Variants in CA5A observed in about 807,000 individuals in gnomAD.
CA5A encodes the protein carbonic anhydrase 5A.
In CA5A, 28 loss-of-function variants were observed where a neutral mutation model predicts 37.1. The observed-to-expected ratio is 0.75, with a 90% CI of 0.56 to 1.03. CA5A has a LOEUF of 1.03. Among genes scored for constraint, CA5A ranks in the 50% least tolerant of loss-of-function variants. CA5A has a pLI of 0.00. For synonymous variants in CA5A, 171 were observed against 158.4 expected (o/e 1.08, Z -0.60); for missense variants, 444 against 399.9 (o/e 1.11, Z -0.94).
At chr16:87,889,400 C>T (rs1280235415) in intron 6 of CA5A, among the ~76,000 whole-genome samples, 1 of 152,134 alleles carries the variant, frequency 6.6e-6, no homozygotes, top group Non-Finnish European at 1.5e-5. Flanking sequence ...CTATTTGTTA[C>T]ACAGCAATAG....
intron 5 of CA5A, among the ~76,000 whole-genome samples, chr16:87,899,988 C>T (rs988816137): frequency 3.4e-5 from 5 of 147,684 alleles, no homozygotes; most frequent in Non-Finnish European, 7.4e-5. Context: ...AGGGGATGAG[C>T]CCAGAGATCA....
rs773938671 is a variant in CA5A at position 87,888,080 on chromosome 16, G to T, written c.*49C>A. 2 of 1,534,188 alleles carry T rather than the reference G, an allele frequency of 1.3e-6. No individual in the cohort carries two copies. Among genetic ancestry groups the T allele is most frequent in the Admixed American group, 4.2e-5 (2 of 47,836 alleles). ...CACATTGTGAAACTTGGGAAACAAC[G>T]CTTCCTTCCTTCAAAGTCAGTTCTG... On this transcript the variant is annotated 3_prime_UTR_variant, in exon 7 of 7. Coordinates refer to ENST00000649794, the MANE Select transcript of CA5A (RefSeq NM_001739.2).
Position 87,920,311 on chromosome 16 carries a change from T to C in CA5A, c.340+6437A>G, listed in dbSNP as rs2056212634. On this transcript the variant is annotated intron_variant, in intron 2 of 6. Transcript: ENST00000649794. ...TAGTCACTGTTTTTTGTTTGTTTGT[T>C]TGATTGTTTGTTTGTTTTTGAGACA... 2.7e-5 allele frequency among the ~76,000 whole-genome samples: 4 copies of C among 150,018 alleles called. No individual in the cohort carries two copies. In the South Asian group the frequency reaches 8.3e-4, roughly 31 times the overall value.
intron 2 of CA5A, among the ~76,000 whole-genome samples, chr16:87,922,474 G>A (rs2056244204): frequency 6.6e-6 from 1 of 152,216 alleles, no homozygotes; most frequent in East Asian, 1.9e-4. Flanking sequence ...AGATTCCAAG[G>A]CACACATGCT....
At chr16:87,883,589 C>T (rs2055625959), downstream of CA5A, 1 of 151,744 alleles carries the variant, frequency 6.6e-6, no homozygotes, top group Admixed American at 6.6e-5. Context: ...CTCAGCCTTC[C>T]AAAGTGCTGG....
At chr16:87,927,136 C>T (rs2056324961) in intron 1 of CA5A, among the ~76,000 whole-genome samples, 191 bp from the exon 2 acceptor site, 1 of 152,270 alleles carries the variant, frequency 6.6e-6, no homozygotes, top group East Asian at 1.9e-4. Flanking sequence ...TGCTCCTCTC[C>T]TTTCTGCACC....
chr16:87,890,527 G>A (rs1438442508), intron 6 of CA5A, among the ~76,000 whole-genome samples: 6 of 152,210 alleles, frequency 3.9e-5, no homozygotes, highest in Admixed American at 6.5e-5. Context: ...TAGGCAGCAC[G>A]TCTGTGGCTC....
At chr16:87,910,840 C>T (rs1158915894) in intron 2 of CA5A, among the ~76,000 whole-genome samples, 2 of 152,130 alleles carry the variant, frequency 1.3e-5, no homozygotes, top group Non-Finnish European at 2.9e-5. Context: ...ACCTCCACCT[C>T]CTGAGCTCAA....
chr16:87,901,009 T>C (rs1188796878), intron 5 of CA5A, among the ~76,000 whole-genome samples: 1 of 152,242 alleles, frequency 6.6e-6, no homozygotes, highest in African/African-American at 2.4e-5. Context: ...GCGGATCACC[T>C]GAAGTCAGCA....
At chr16:87,899,192 C>G (rs2055842530) in intron 5 of CA5A, among the ~76,000 whole-genome samples, 1 of 151,734 alleles carries the variant, frequency 6.6e-6, no homozygotes, top group Admixed American at 6.6e-5. Context: ...AAGTCCTAGG[C>G]TAGGAGCCTC....
At chr16:87,923,436 C>A (rs370511124) in intron 2 of CA5A, 2 of 532,730 alleles carry the variant, frequency 3.8e-6, no homozygotes, top group African/African-American at 4.1e-5. Flanking sequence ...GATCCACCCA[C>A]CTCGGCTTCC....
Position 87,924,250 on chromosome 16 carries a change from C to A in CA5A, c.340+2498G>T, listed in dbSNP as rs1385770891. 5.1e-6 allele frequency: 5 copies of A among 985,328 alleles called. No homozygotes were observed. In the South Asian group the frequency reaches 1.4e-4, roughly 28 times the overall value. 61.0% of individuals were successfully genotyped at this position (985,328 alleles called of 1,614,324 possible). On this transcript the variant is annotated intron_variant, in intron 2 of 6. Coordinates refer to ENST00000649794, the MANE Select transcript of CA5A (RefSeq NM_001739.2). ...CTGCTGGCACTCAGCAAGCCCCACA[C>A]GGGAAGCATCCGCGGGGGTTGCAGT... is the stretch of plus-strand genomic sequence containing the variant.
At chr16:87,895,824 C>G (rs1252737954) in intron 5 of CA5A, among the ~76,000 whole-genome samples, 2 of 152,286 alleles carry the variant, frequency 1.3e-5, no homozygotes, top group East Asian at 3.9e-4. Context: ...ACCCACACCG[C>G]AGCATGAGTT....
At chr16:87,913,974 C>T (rs1276899301) in intron 2 of CA5A, among the ~76,000 whole-genome samples, 4 of 152,220 alleles carry the variant, frequency 2.6e-5, no homozygotes, top group African/African-American at 9.7e-5. Flanking sequence ...GCGGCGGCAG[C>T]GCGTTCATCC....
intron 6 of CA5A, among the ~76,000 whole-genome samples, chr16:87,889,285 C>T (rs768954647): frequency 2.6e-5 from 4 of 152,146 alleles, no homozygotes; most frequent in Non-Finnish European, 5.9e-5. Flanking sequence ...GAACTCCTGA[C>T]CTCAGGTGAT....
intron 1 of CA5A, among the ~76,000 whole-genome samples, chr16:87,935,450 G>A (rs766578906): frequency 5.3e-5 from 8 of 152,194 alleles, no homozygotes; most frequent in Admixed American, 2.0e-4. Flanking sequence ...CCATTCCGCC[G>A]GGTCTGGATG....
rs1181862393 is a variant in CA5A, at chr16:87,929,593, C to A, written c.143-2648G>T. Among the ~76,000 whole-genome samples the A allele has an allele frequency of 4.6e-5, 7 of 151,950 alleles. No homozygotes were observed. In the East Asian group the frequency reaches 1.4e-3, roughly 29 times the overall value. On this transcript the variant is annotated intron_variant, in intron 1 of 6. Coordinates refer to ENST00000649794, the MANE Select transcript of CA5A (RefSeq NM_001739.2). ...GTTATTTAATAAGTAAACCATCAGG[C>A]CAGGTGCAGTTGCTCACGCCTATAA...
chr16:87,917,737 A>ACACATGTATACACAGTG (rs1567530495), intron 2 of CA5A, among the ~76,000 whole-genome samples: 1 of 132,514 alleles, frequency 7.5e-6, no homozygotes, highest in Non-Finnish European at 1.5e-5. Flanking sequence ...ACACACATGA[A>ACACATGTATACACAGTG]CACACATGCA....
chr16:87,910,229 G>A (rs746325029), intron 2 of CA5A, among the ~76,000 whole-genome samples: 4 of 152,212 alleles, frequency 2.6e-5, no homozygotes, highest in Non-Finnish European at 4.4e-5. Flanking sequence ...AGCTCACGTC[G>A]TTGTCGTGAT....
Sources: gnomAD v4.1 joint callset for allele counts (sites outside exome capture counted in the v4.1 genomes callset) on GRCh38, gnomAD v4.1.1 for gene constraint, MANE v1.5 for transcripts, NCBI Gene and HGNC (gene_info 2026-07-23, HGNC 2026-07-21) for gene names.